Variants in SYNE1 observed in about 807,000 individuals in gnomAD.
SYNE1 encodes nesprin-1.
A neutral mutation model predicts 1,111.0 loss-of-function variants in SYNE1; 616 were observed. The ratio of observed to expected loss-of-function variants is 0.55; its 90% CI spans 0.52 to 0.59. The LOEUF is 0.59. SYNE1 is among the 20% of genes least tolerant of loss of function. The pLI, the probability that SYNE1 is intolerant of heterozygous loss-of-function variation, is 0.00. For missense variants in SYNE1, 10,006 were observed against 10,417.0 expected, an observed-to-expected ratio of 0.96 and a Z score of 1.72; for synonymous variants, 3,855 against 3,825.8, an observed-to-expected ratio of 1.01 and a Z score of -0.28.
chr6:152,445,522 C>A (rs945616042), intron 29 of SYNE1, among the ~76,000 whole-genome samples: 1 of 151,986 alleles, frequency 6.6e-6, no homozygotes, highest in East Asian at 1.9e-4. Context: ...AGAAGCCTTC[C>A]AGTTTCTTCT....
In SYNE1 at chr6:152,399,652, C is replaced by G. The variant is rs780924006; in HGVS notation, c.7201G>C (p.Ala2401Pro). ...AVSQLCSKTQ[A>P]SLQESLEKHF... ...TTTTCCAGAGATTCCTGCAGGCTGG[C>G]CTGGGTTTTGGAGCACAACTGGCTC... Residue 2401 changes from alanine to proline, a missense_variant, in exon 48 of 146, where the codon GCC becomes CCC. Physicochemically the swap from Ala to Pro is conservative, Grantham distance 27. Around this residue, in one of 7 missense-constraint regions of SYNE1, gnomAD observed 4,955 missense variants for 5,017.2 expected, o/e 0.99. Coordinates refer to ENST00000367255, the MANE Select transcript of SYNE1 (RefSeq NM_182961.4). 3 of 1,613,998 alleles carry G rather than the reference C, an allele frequency of 1.9e-6. No individual in the cohort carries two copies. The highest frequency in any genetic ancestry group is 2.5e-6 in the Non-Finnish European group (3 of 1,180,020).
intron 11 of SYNE1, among the ~76,000 whole-genome samples, chr6:152,497,973 C>G (rs1176327874): frequency 6.6e-6 from 1 of 152,160 alleles, no homozygotes; most frequent in Non-Finnish European, 1.5e-5. Context: ...CACACAAACA[C>G]AGACACATAA....
At chr6:152,365,161 G>T in intron 62 of SYNE1, 142 bp from the exon 63 acceptor site, 1 of 1,043,124 alleles carries the variant, frequency 9.6e-7, no homozygotes, top group Non-Finnish European at 1.4e-6. Context: ...GACAGAGGGT[G>T]GGGAAGTGGC....
At chr6:152,192,927 A>G (rs1415267200) in intron 127 of SYNE1, among the ~76,000 whole-genome samples, 2 of 151,904 alleles carry the variant, frequency 1.3e-5, no homozygotes, top group Non-Finnish European at 2.9e-5. Flanking sequence ...ATCGTTTTCC[A>G]TCCCTTTATT....
chr6:152,495,432 A>T (rs1200630698), intron 11 of SYNE1, among the ~76,000 whole-genome samples: 1 of 152,156 alleles, frequency 6.6e-6, no homozygotes, highest in Non-Finnish European at 1.5e-5. Context: ...CCCTAGCTGG[A>T]TCCCTAGTGT....
At chr6:152,235,988 C>T in intron 110 of SYNE1, 119 bp downstream of exon 110, 1 of 1,122,818 alleles carries the variant, frequency 8.9e-7, no homozygotes, top group East Asian at 2.4e-5. Context: ...AGCAGTCCTC[C>T]CGTATTGGCC....
chr6:152,235,196 T>C (rs558540101), intron 110 of SYNE1, among the ~76,000 whole-genome samples: 1 of 152,266 alleles, frequency 6.6e-6, no homozygotes, highest in South Asian at 2.1e-4. Context: ...TCTCAATCCA[T>C]GTTTTCTCTT....
At chr6:152,386,724 T>A (rs1166092326) in intron 54 of SYNE1, among the ~76,000 whole-genome samples, 1 of 152,140 alleles carries the variant, frequency 6.6e-6, no homozygotes, top group Non-Finnish European at 1.5e-5. Flanking sequence ...TTGCATTTAA[T>A]ATAACAAATA....
chr6:152,302,180 G>T, intron 91 of SYNE1, 117 bp from the exon 92 acceptor site: 2 of 1,378,628 alleles, frequency 1.5e-6, no homozygotes, highest in Non-Finnish European at 2.0e-6. Context: ...GCGGGCCCGG[G>T]AGGCAGGATG....
intron 98 of SYNE1, among the ~76,000 whole-genome samples, chr6:152,272,957 C>T (rs1247263173): frequency 6.6e-6 from 1 of 152,098 alleles, no homozygotes; most frequent in African/African-American, 2.4e-5. Flanking sequence ...GTAAACAGGG[C>T]TCCTTTTCTT....
chr6:152,635,855 T>C (rs2099705019), intron 2 of SYNE1, among the ~76,000 whole-genome samples: 1 of 152,170 alleles, frequency 6.6e-6, no homozygotes, highest in Non-Finnish European at 1.5e-5. Context: ...TGGACCTGAC[T>C]CTATTTACGG....
chr6:152,349,838 A>T (rs1206590486), intron 72 of SYNE1, among the ~76,000 whole-genome samples: 1 of 152,168 alleles, frequency 6.6e-6, no homozygotes, highest in Non-Finnish European at 1.5e-5. Flanking sequence ...TGGTTTTAAA[A>T]AGGGGAGTTT....
chr6:152,462,765 A>T lies in SYNE1; in HGVS notation c.2223T>A (p.Asn741Lys). The change falls in exon 20 of 146, where the codon AAT (asparagine) becomes AAA (lysine). Residue 741 changes from asparagine to lysine, a missense_variant. Transcript: ENST00000367255. Reference protein sequence around the residue: ...LSEPLEVSFMNVKLLIQDLED... With the variant: ...LSEPLEVSFMKVKLLIQDLED... ...CCAAGTCTTGAATTAATAGCTTGAC[A>T]TTCATAAAAGAGACTTCTAAGGGTT... 2 of 1,614,066 alleles carry T rather than the reference A, an allele frequency of 1.2e-6. No homozygotes were observed. Among genetic ancestry groups the T allele is most frequent in the Non-Finnish European group, 1.7e-6 (2 of 1,179,952 alleles).
intron 117 of SYNE1, among the ~76,000 whole-genome samples, chr6:152,222,451 T>G (rs965958645): frequency 2.0e-5 from 3 of 152,228 alleles, no homozygotes; most frequent in Non-Finnish European, 4.4e-5. Flanking sequence ...CTCCCGAAGA[T>G]GAAGACTCTA....
At position 152,208,094 on chromosome 6, in the gene SYNE1, A is replaced by G. The variant is rs757998794; in HGVS notation, c.22702T>C (p.Tyr7568His). 1 of 1,614,066 alleles carries G rather than the reference A, an allele frequency of 6.2e-7. No homozygotes were observed. Among genetic ancestry groups the G allele is most frequent in the Non-Finnish European group, 8.5e-7 (1 of 1,180,006 alleles). ...IDSQIRQWQRYREMAEKLRKW... is the reference protein window; with the variant it reads ...IDSQIRQWQRHREMAEKLRKW... ...CGAAGCTTTTCTGCCATCTCCCTAT[A>G]GCGCTGCCACTGGCGAATCTGGCTG... Residue 7568 changes from tyrosine (Y) to histidine (H), a missense_variant, in exon 125 of 146, where the codon TAT becomes CAT. Physicochemically the swap from Tyr to His is moderately conservative, Grantham distance 83 (BLOSUM62 2). Transcript: ENST00000367255.
rs759656951 is a variant in SYNE1 at position 152,189,263 on chromosome 6, G to C, written c.23290C>G (p.Leu7764Val). Residue 7764 changes from leucine to valine, a missense_variant, in exon 128 of 146, where the codon CTA (leucine) becomes GTA (valine). Coordinates refer to ENST00000367255, the MANE Select transcript of SYNE1 (RefSeq NM_182961.4). ...VELLQRQWEE[L>V]CHQLSLRRQQ... ...AGAACTTATCTTACCTGGTGGCATAGTTCTTCCCACTGCCTTTGCAGAAGC... is the reference window on the plus strand; with the variant it reads ...AGAACTTATCTTACCTGGTGGCATACTTCTTCCCACTGCCTTTGCAGAAGC... 6.2e-7 allele frequency: 1 copy of C among 1,613,734 alleles called. No homozygotes were observed. Among genetic ancestry groups the C allele is most frequent in the South Asian group, 1.1e-5 (1 of 91,068 alleles).
chr6:152,170,764 T>C (rs1227550585), intron 130 of SYNE1, among the ~76,000 whole-genome samples: 2 of 152,240 alleles, frequency 1.3e-5, no homozygotes, highest in Non-Finnish European at 2.9e-5. Context: ...GGATGAGAGC[T>C]GACCTCTATT....
At chr6:152,273,851 G>A (rs765101488) in intron 98 of SYNE1, among the ~76,000 whole-genome samples, 9 of 152,188 alleles carry the variant, frequency 5.9e-5, no homozygotes, top group African/African-American at 9.7e-5. Flanking sequence ...CCCAGGCCAC[G>A]AGACCTTGGA....
intron 16 of SYNE1, among the ~76,000 whole-genome samples, chr6:152,468,570 T>C (rs1043752459): frequency 5.3e-5 from 8 of 152,306 alleles, no homozygotes; most frequent in Middle Eastern, 6.8e-3. Context: ...AAGAATTCTT[T>C]AAGCACTCAG....
Sources: allele counts gnomAD v4.1 joint callset (sites outside exome capture counted in the v4.1 genomes callset), GRCh38; gene constraint gnomAD v4.1.1; regional missense constraint gnomAD v4.1.1; transcripts MANE v1.5; gene names NCBI Gene and HGNC (gene_info 2026-07-23, HGNC 2026-07-21).